The following TRAF3 variants were observed in gnomAD, a reference collection of about 807,000 sequenced individuals.
TRAF3 encodes the protein TNF receptor associated factor 3.
A neutral mutation model predicts 62.3 loss-of-function variants in TRAF3; 13 were observed. The ratio of observed to expected loss-of-function variants is 0.21; its 90% CI spans 0.14 to 0.33. TRAF3 has a LOEUF of 0.33. Among genes scored for constraint, TRAF3 ranks in the 10% least tolerant of loss-of-function variants. The pLI, the probability that TRAF3 is intolerant of heterozygous loss-of-function variation, is 1.00. For missense variants in TRAF3, 440 were observed against 741.8 expected, an observed-to-expected ratio of 0.59 and a Z score of 4.73; for synonymous variants, 269 against 283.4, an observed-to-expected ratio of 0.95 and a Z score of 0.51.
chr14:102,808,034 T>G (rs1476455775), intron 1 of TRAF3, among the ~76,000 whole-genome samples: 6 of 152,118 alleles, frequency 3.9e-5, no homozygotes. Flanking sequence ...TTGTTAGAGG[T>G]GAAGGAATGC....
At chr14:102,802,934 A>G (rs1264589370) in intron 1 of TRAF3, among the ~76,000 whole-genome samples, 2 of 152,202 alleles carry the variant, frequency 1.3e-5, no homozygotes, top group Non-Finnish European at 1.5e-5. Context: ...ACTTACAATC[A>G]TGGTGGAAGG....
chr14:102,836,212 C>T (rs999780010), intron 2 of TRAF3, among the ~76,000 whole-genome samples: 1 of 152,246 alleles, frequency 6.6e-6, no homozygotes, highest in Non-Finnish European at 1.5e-5. Context: ...TGCACCTGCT[C>T]CTCTGTGCCT....
intron 10 of TRAF3, among the ~76,000 whole-genome samples, chr14:102,899,167 G>A (rs1331430211): frequency 1.3e-5 from 2 of 152,320 alleles, no homozygotes; most frequent in African/African-American, 4.8e-5. Context: ...CCAACCGTGT[G>A]GTTTTTTGAA....
At chr14:102,828,434 G>A (rs1255643426) in intron 1 of TRAF3, among the ~76,000 whole-genome samples, 1 of 152,292 alleles carries the variant, frequency 6.6e-6, no homozygotes, top group Non-Finnish European at 1.5e-5. Context: ...TAGAACGTAC[G>A]CGATTCTGTG....
intron 2 of TRAF3, among the ~76,000 whole-genome samples, chr14:102,845,369 AT>A (rs937640443): frequency 1.9e-4 from 28 of 151,108 alleles, no homozygotes; most frequent in African/African-American, 6.3e-4. Flanking sequence ...GCTCTGGCTA[AT>A]TTTTTTATTT....
chr14:102,888,344 A>G (rs763983046), intron 7 of TRAF3, among the ~76,000 whole-genome samples: 19 of 152,062 alleles, frequency 1.2e-4, no homozygotes, highest in Non-Finnish European at 2.8e-4. Flanking sequence ...TACCACCTTG[A>G]CTCTGCCCTG....
At position 102,900,173 on chromosome 14, in the gene TRAF3, C is replaced by T. The variant is rs117091660; in HGVS notation, c.960+2772C>T. Among the ~76,000 whole-genome samples, 611 of 104,810 alleles carry T rather than the reference C, an allele frequency of 5.8e-3. 18 individuals carry two copies. Among genetic ancestry groups the T allele is most frequent in the Admixed American group, 0.056 (524 of 9,342 alleles). 68.8% of individuals were successfully genotyped at this position (104,810 alleles called of 152,430 possible). On this transcript the variant is annotated intron_variant, in intron 10 of 11. Transcript: ENST00000392745. ...AGGCGTGGGAGAAAGAGCAAGACTC[C>T]GTCTCGGAAAAAAAAAAAAAAAAAA...
intron 1 of TRAF3, among the ~76,000 whole-genome samples, chr14:102,780,446 A>G (rs1897228639): frequency 6.6e-6 from 1 of 152,072 alleles, no homozygotes; most frequent in South Asian, 2.1e-4. Context: ...GCACAACACT[A>G]TTCCAGGAAA....
At chr14:102,892,694 A>G (rs1027860789) in intron 9 of TRAF3, among the ~76,000 whole-genome samples, 1 of 152,248 alleles carries the variant, frequency 6.6e-6, no homozygotes, top group Admixed American at 6.5e-5. Context: ...TTCCAGTGTT[A>G]AATCCCAGCA....
rs970208639 is a variant in TRAF3, at chr14:102,908,674, G to A, written c.*2890G>A. The A allele has an allele frequency of 1.3e-5, 2 of 152,454 alleles. No homozygotes were observed. The highest frequency in any genetic ancestry group is 3.8e-4 in the East Asian group (2 of 5,196). The allele number at this position is 152,454 out of a possible 1,614,324, so 9.4% of individuals were successfully genotyped here. ...GGGGTGCTGCTTGTTTACCACACAT[G>A]ACCAGACTCCCAGCAGGACAGAGCT... On this transcript the variant is annotated 3_prime_UTR_variant, in exon 12 of 12. Transcript: ENST00000392745.
At chr14:102,820,800 T>G (rs1899934384) in intron 1 of TRAF3, among the ~76,000 whole-genome samples, 1 of 150,312 alleles carries the variant, frequency 6.7e-6, no homozygotes, top group Non-Finnish European at 1.5e-5. Context: ...TGGCTAAGTT[T>G]TAAAAAATTT....
intron 1 of TRAF3, among the ~76,000 whole-genome samples, chr14:102,805,122 C>T (rs960636833): frequency 6.6e-6 from 1 of 151,966 alleles, no homozygotes; most frequent in African/African-American, 2.4e-5. Context: ...TATTTGGTAC[C>T]CTTTGGTTTA....
At chr14:102,785,616 C>G (rs1313768546) in intron 1 of TRAF3, among the ~76,000 whole-genome samples, 3 of 152,156 alleles carry the variant, frequency 2.0e-5, no homozygotes. Context: ...TGCAGATTGC[C>G]TGTGGAAATA....
At chr14:102,782,395 A>G (rs1244166827) in intron 1 of TRAF3, among the ~76,000 whole-genome samples, 1 of 151,212 alleles carries the variant, frequency 6.6e-6, no homozygotes, top group Non-Finnish European at 1.5e-5. Context: ...CCCCATTCCC[A>G]GCTAATTTTG....
chr14:102,881,389 C>CA (rs1889050003), intron 6 of TRAF3, among the ~76,000 whole-genome samples: 1 of 76,880 alleles, frequency 1.3e-5, no homozygotes, highest in Non-Finnish European at 2.3e-5. Context: ...GTCTCAACAA[C>CA]AAAAACAAAA....
intron 1 of TRAF3, among the ~76,000 whole-genome samples, chr14:102,794,787 A>G (rs531477520): frequency 2.2e-4 from 33 of 152,304 alleles, no homozygotes; most frequent in African/African-American, 6.3e-4. Context: ...TTCTGAATCA[A>G]TAATTTCTAA....
At chr14:102,817,434 C>T (rs1392978185) in intron 1 of TRAF3, among the ~76,000 whole-genome samples, 1 of 152,072 alleles carries the variant, frequency 6.6e-6, no homozygotes, top group Admixed American at 6.6e-5. Context: ...CACATTAGCA[C>T]TTACCGTGCT....
chr14:102,821,898 C>T (rs771764299), intron 1 of TRAF3, among the ~76,000 whole-genome samples: 5 of 152,018 alleles, frequency 3.3e-5, no homozygotes, highest in African/African-American at 4.8e-5. Context: ...AAAAATTAGC[C>T]GGGTGTGGTG....
rs561016341 is a variant in TRAF3 at position 102,903,620 on chromosome 14, C to T, written c.1135+191C>T. 21 of 850,932 alleles carry T rather than the reference C, an allele frequency of 2.5e-5. No individual in the cohort carries two copies. The highest frequency in any genetic ancestry group is 2.1e-4 in the Middle Eastern group (1 of 4,656). The allele number at this position is 850,932 out of a possible 1,614,324, so 52.7% of individuals were successfully genotyped here. A position where few individuals can be genotyped will look rare whatever the true frequency, so the allele number is the denominator to read the frequency against. On this transcript the variant is annotated intron_variant, in intron 11 of 11. Coordinates refer to ENST00000392745, the MANE Select transcript of TRAF3 (RefSeq NM_145725.3). The surrounding 1 kb of genome is among the most constrained non-coding windows in gnomAD (Gnocchi z 6.4). ...CCCCAGCAAAGACAAACGTTTCCCGCGCAGGCTTGTCCCCTCCGTGTGAGG... is the reference window on the plus strand; with the variant it reads ...CCCCAGCAAAGACAAACGTTTCCCGTGCAGGCTTGTCCCCTCCGTGTGAGG...
Sources: allele counts gnomAD v4.1 joint callset (sites outside exome capture counted in the v4.1 genomes callset), GRCh38; gene constraint gnomAD v4.1.1; non-coding constraint Gnocchi (gnomAD v3.1); transcripts MANE v1.5; gene names NCBI Gene and HGNC (gene_info 2026-07-23, HGNC 2026-07-21).